Variants in SLC28A3 observed in about 807,000 individuals in gnomAD.
SLC28A3 encodes the protein concentrative Na(+)-nucleoside cotransporter 3.
A neutral mutation model predicts 84.2 loss-of-function variants in SLC28A3; 68 were observed. The observed-to-expected ratio is 0.81, with a 90% CI of 0.66 to 0.99. The LOEUF (loss-of-function observed/expected upper bound fraction) is 0.99, where lower values mean the gene tolerates loss of function less well. Among genes scored for constraint, SLC28A3 ranks in the 50% least tolerant of loss-of-function variants. The pLI, the probability that SLC28A3 is intolerant of heterozygous loss-of-function variation, is 0.00. For missense variants in SLC28A3, 712 were observed against 841.5 expected (o/e 0.85, Z 1.90); for synonymous variants, 267 against 303.6 (o/e 0.88, Z 1.25).
At chr9:84,323,801 A>G (rs1826460819) in intron 1 of SLC28A3, among the ~76,000 whole-genome samples, 2 of 150,136 alleles carry the variant, frequency 1.3e-5, no homozygotes, top group Admixed American at 1.3e-4. Flanking sequence ...GACCTTCCCC[A>G]ATGACATCCC....
In SLC28A3 at chr9:84,279,982, GC is replaced by G; in HGVS notation, c.1820del (p.Cys607SerfsTer19). ...AGTVACFMTA[C>X]IAGILSSTPV... Reference sequence around the variant, plus strand: ...AAGGACAGGGTGCGGTACCTGCGATGCAGGCTGTCATGAAGCAGGCCACGGT... The same window carrying G: ...AAGGACAGGGTGCGGTACCTGCGATGAGGCTGTCATGAAGCAGGCCACGGT... On this transcript the variant is annotated frameshift_variant, in exon 16 of 18. Transcript: ENST00000376238. LOFTEE classifies it high-confidence loss of function. The G allele has an allele frequency of 6.2e-7, 1 of 1,613,862 alleles. No homozygotes were observed. Among genetic ancestry groups the G allele is most frequent in the South Asian group, 1.1e-5 (1 of 91,076 alleles).
intron 9 of SLC28A3, among the ~76,000 whole-genome samples, chr9:84,293,008 T>C (rs754663977): frequency 6.6e-6 from 1 of 152,244 alleles, no homozygotes. Context: ...GTCTATTGTA[T>C]ACAAGTAATA....
intron 3 of SLC28A3, among the ~76,000 whole-genome samples, chr9:84,309,010 C>T (rs372872339): frequency 6.6e-6 from 1 of 152,260 alleles, no homozygotes; most frequent in South Asian, 2.1e-4. Context: ...TAACTGCATT[C>T]GTATGGACTG....
intron 11 of SLC28A3, among the ~76,000 whole-genome samples, 165 bp from the exon 12 acceptor site, chr9:84,288,343 C>T (rs944312431): frequency 2.0e-5 from 3 of 152,122 alleles, no homozygotes; most frequent in Admixed American, 2.0e-4. Context: ...GCTCATTGAG[C>T]CAAGTCGCGG....
chr9:84,308,826 A>C (rs998953231), intron 3 of SLC28A3, among the ~76,000 whole-genome samples: 5 of 152,062 alleles, frequency 3.3e-5, no homozygotes, highest in Admixed American at 2.0e-4. Context: ...TCTGAGGTTC[A>C]TTTTTCTGGT....
At chr9:84,344,169 A>C (rs1289028391), upstream of SLC28A3, among the ~76,000 whole-genome samples, 1 of 150,202 alleles carries the variant, frequency 6.7e-6, no homozygotes, top group African/African-American at 2.5e-5. Flanking sequence ...ACAAATCATA[A>C]ATTCTCATCA....
intron 17 of SLC28A3, among the ~76,000 whole-genome samples, chr9:84,278,659 G>C (rs80198648): frequency 0.014 from 2,197 of 152,234 alleles, 62 homozygotes; most frequent in African/African-American, 0.05. Flanking sequence ...TGTACAGGGT[G>C]GGGGTGGCTG....
chr9:84,329,668 T>C (rs1826701028), intron 1 of SLC28A3, among the ~76,000 whole-genome samples: 1 of 143,826 alleles, frequency 7.0e-6, no homozygotes, highest in Non-Finnish European at 1.5e-5. Flanking sequence ...TGAGACTCTG[T>C]CTTATAAAAA....
intron 8 of SLC28A3, among the ~76,000 whole-genome samples, chr9:84,295,418 C>G (rs60873063): frequency 7.9e-5 from 12 of 151,954 alleles, no homozygotes; most frequent in African/African-American, 2.9e-4. Flanking sequence ...AACCCTGTCT[C>G]TACTAAAAAT....
upstream of SLC28A3, among the ~76,000 whole-genome samples, chr9:84,342,441 T>C (rs1366597145): frequency 6.6e-6 from 1 of 152,054 alleles, no homozygotes; most frequent in Non-Finnish European, 1.5e-5. Flanking sequence ...CTTGTGTGTG[T>C]GTGTGTGTGT....
upstream of SLC28A3, among the ~76,000 whole-genome samples, chr9:84,345,365 C>T (rs183873992): frequency 6.6e-6 from 1 of 152,176 alleles, no homozygotes; most frequent in African/African-American, 2.4e-5. Context: ...GATATTAAAA[C>T]CTTCACCAAC....
chr9:84,297,812 G>T, intron 7 of SLC28A3, 94 bp downstream of exon 7: 1 of 992,024 alleles, frequency 1.0e-6, no homozygotes. Context: ...GACAACTCAT[G>T]CAGACAGATA....
At chr9:84,282,118 G>A (rs901480424) in intron 14 of SLC28A3, among the ~76,000 whole-genome samples, 1 of 152,118 alleles carries the variant, frequency 6.6e-6, no homozygotes, top group African/African-American at 2.4e-5. Context: ...CTACAGCCTG[G>A]GCGACAGAGT....
chr9:84,279,948 T>A, intron 16 of SLC28A3, 27 bp downstream of exon 16: 2 of 1,609,102 alleles, frequency 1.2e-6, no homozygotes, highest in African/African-American at 1.3e-5. Flanking sequence ...CTGTGGGCAC[T>A]GGGACACAAA....
Position 84,294,199 on chromosome 9 carries a change from C to T in SLC28A3, c.938G>A (p.Arg313Lys), listed in dbSNP as rs759869230. 1 of 1,613,864 alleles carries T rather than the reference C, an allele frequency of 6.2e-7. No homozygotes were observed. Among genetic ancestry groups the T allele is most frequent in the African/African-American group, 1.3e-5 (1 of 74,910 alleles). ...AGTCCCTCCCAGCCCCAGTACCTTT[C>T]TAATAATCCACTGCATCAGTCCCAG... ...YYLGLMQWII[R>K]KVGWIMLVTT... Residue 313 changes from arginine to lysine, a missense_variant, in exon 9 of 18, where the codon AGA becomes AAA. By Grantham distance (26) the Arg-to-Lys change is conservative. Coordinates refer to ENST00000376238, the MANE Select transcript of SLC28A3 (RefSeq NM_001199633.2).
chr9:84,298,975 T>C (rs1366322404), intron 6 of SLC28A3, among the ~76,000 whole-genome samples: 1 of 152,154 alleles, frequency 6.6e-6, no homozygotes, highest in Admixed American at 6.5e-5. Flanking sequence ...AGAACTTGGA[T>C]CATATTAGTT....
chr9:84,280,029 C>G lies in SLC28A3; in HGVS notation c.1774G>C (p.Val592Leu). 6.2e-7 allele frequency: 1 copy of G among 1,614,028 alleles called. No homozygotes were observed. The highest frequency in any genetic ancestry group is 8.5e-7 in the Non-Finnish European group (1 of 1,180,020). ...ACGGTCCCCGCAATCAGAGCTCTCA[C>G]TGCCCCCGAGGCGATATCACGCTTT... ...SRKRDIASGAVRALIAGTVAC... is the reference protein window; with the variant it reads ...SRKRDIASGALRALIAGTVAC... The change falls in exon 16 of 18, where the codon GTG becomes CTG. Residue 592 changes from valine (V) to leucine (L), a missense_variant. Transcript: ENST00000376238.
rs766037540 is a variant in SLC28A3 at position 84,290,165 on chromosome 9, T to C, written c.1138A>G (p.Ile380Val). 1 of 1,613,910 alleles carries C rather than the reference T, an allele frequency of 6.2e-7. No individual in the cohort carries two copies. Among genetic ancestry groups the C allele is most frequent in the East Asian group, 2.2e-5 (1 of 44,868 alleles). ...CAAAACATTCTTACCCCAAAAGAAA[T>C]GTATGCACCTAGCACGCTTCCAGCA... ...TIAGSVLGAY[I>V]SFGVPSSHLL... is the part of the protein sequence containing the mutation. Residue 380 changes from isoleucine (I) to valine (V), a missense_variant, in exon 11 of 18, where the codon ATT becomes GTT. Ile to Val is a conservative substitution (Grantham distance 29). Coordinates refer to ENST00000376238, the MANE Select transcript of SLC28A3 (RefSeq NM_001199633.2).
At position 84,279,351 on chromosome 9, in the gene SLC28A3, G is replaced by A. The variant is rs1046253536; in HGVS notation, c.1863C>T (p.Cys621=). 2 of 1,612,770 alleles carry A rather than the reference G, an allele frequency of 1.2e-6. No homozygotes were observed. The highest frequency in any genetic ancestry group is 2.7e-5 in the African/African-American group (2 of 74,810). The change falls in exon 17 of 18, where the codon TGC becomes TGT. Residue 621 remains cysteine (C), a synonymous_variant. Coordinates refer to ENST00000376238, the MANE Select transcript of SLC28A3 (RefSeq NM_001199633.2). ...TGAAGGCATTCTCTAAAACGTGATG[G>A]CAGTTGATGTCCACAGGAGTGCTGG... The part of the protein sequence containing the change: ...ILSSTPVDIN[C]HHVLENAFNS...
Sources: gnomAD v4.1 joint callset for allele counts (sites outside exome capture counted in the v4.1 genomes callset) on GRCh38, gnomAD v4.1.1 for gene constraint, MANE v1.5 for transcripts, NCBI Gene and HGNC (gene_info 2026-07-23, HGNC 2026-07-21) for gene names.